GLDN: variants seen among roughly 807,000 people sequenced by gnomAD.
GLDN encodes the protein collomin.
In GLDN, 47 loss-of-function variants were observed where a neutral mutation model predicts 56.5. The observed-to-expected ratio is 0.83, with a 90% CI of 0.66 to 1.06. The LOEUF (loss-of-function observed/expected upper bound fraction) is 1.06. Among genes scored for constraint, GLDN ranks in the 50% least tolerant of loss-of-function variants. GLDN has a pLI of 0.00. For synonymous variants in GLDN, 332 were observed against 278.8 expected, an observed-to-expected ratio of 1.19 and a Z score of -1.90; for missense variants, 782 against 714.3, an observed-to-expected ratio of 1.09 and a Z score of -1.08.
At chr15:51,401,153 C>T (rs2038241235) in intron 8 of GLDN, among the ~76,000 whole-genome samples, 1 of 152,188 alleles carries the variant, frequency 6.6e-6, no homozygotes, top group African/African-American at 2.4e-5. Flanking sequence ...AATAACTGCC[C>T]AGATTACCAG....
chr15:51,390,663 A>G (rs1030360580), intron 4 of GLDN, among the ~76,000 whole-genome samples: 1 of 152,186 alleles, frequency 6.6e-6, no homozygotes, highest in Non-Finnish European at 1.5e-5. Flanking sequence ...GCTGAAAATA[A>G]AACATCCTCC....
At chr15:51,388,427 A>C (rs1049440573) in intron 4 of GLDN, among the ~76,000 whole-genome samples, 2 of 152,024 alleles carry the variant, frequency 1.3e-5, no homozygotes, top group African/African-American at 2.4e-5. Context: ...CTGTTGTGCT[A>C]ATGGTCTGAC....
intron 4 of GLDN, among the ~76,000 whole-genome samples, chr15:51,387,011 G>T (rs1436816058): frequency 2.0e-5 from 3 of 152,152 alleles, no homozygotes; most frequent in Non-Finnish European, 4.4e-5. Flanking sequence ...GAGGCCTGGG[G>T]TGAGATGTAT....
chr15:51,370,308 A>T (rs759471097), intron 1 of GLDN, among the ~76,000 whole-genome samples: 1 of 152,146 alleles, frequency 6.6e-6, no homozygotes, highest in Non-Finnish European at 1.5e-5. Context: ...TCTGAAAATC[A>T]TCTGTCATGT....
At chr15:51,348,163 G>A (rs1485985258) in intron 1 of GLDN, among the ~76,000 whole-genome samples, 2 of 152,096 alleles carry the variant, frequency 1.3e-5, no homozygotes, top group African/African-American at 2.4e-5. Context: ...TCCTAGGCCA[G>A]GGAGCAATAG....
chr15:51,397,456 CT>C lies in GLDN; in HGVS notation c.689-13del. The C allele has an allele frequency of 7.1e-7, 1 of 1,409,126 alleles. No individual in the cohort carries two copies. The highest frequency in any genetic ancestry group is 9.4e-7 in the Non-Finnish European group (1 of 1,066,252). The allele number at this position is 1,409,126 out of a possible 1,614,324, so 87.3% of individuals were successfully genotyped here. A position where few individuals can be genotyped will look rare whatever the true frequency, so the allele number is the denominator to read the frequency against. On this transcript the variant is annotated splice_polypyrimidine_tract_variant and intron_variant, in intron 5 of 9. Transcript: ENST00000335449. ...CTTGCCTCCTTCTCTCCCTTTCTCT[CT>C]CTCTCTCTCCAGGTGCCAAAGGTGA...
At chr15:51,381,799 A>C (rs2037768074) in intron 2 of GLDN, among the ~76,000 whole-genome samples, 1 of 147,990 alleles carries the variant, frequency 6.8e-6, no homozygotes, top group Admixed American at 6.7e-5. Context: ...CCCATCCTCC[A>C]TGTCTCTCTT....
At position 51,401,724 on chromosome 15, in the gene GLDN, G is replaced by A. The variant is rs1221682450; in HGVS notation, c.1159G>A (p.Gly387Ser). 1 of 1,613,996 alleles carries A rather than the reference G, an allele frequency of 6.2e-7. No homozygotes were observed. Among genetic ancestry groups the A allele is most frequent in the East Asian group, 2.2e-5 (1 of 44,880 alleles). ...YNNSLYYHKG[G>S]SNTLVRFEFG... ...CAACTCTCTCTACTACCACAAAGGG[G>A]GTTCTAATACCCTAGTGAGGTAAGT... is the stretch of plus-strand genomic sequence containing the variant. The change falls in exon 9 of 10, where the codon GGT becomes AGT. Residue 387 changes from glycine (G) to serine (S), a missense_variant. Coordinates refer to ENST00000335449, the MANE Select transcript of GLDN (RefSeq NM_181789.4).
intron 5 of GLDN, among the ~76,000 whole-genome samples, chr15:51,396,987 A>G (rs1032442200): frequency 6.6e-6 from 1 of 152,218 alleles, no homozygotes; most frequent in African/African-American, 2.4e-5. Flanking sequence ...CCAGAGTACC[A>G]TGTTCCTCCA....
chr15:51,342,516 T>C (rs1316088484), intron 1 of GLDN, among the ~76,000 whole-genome samples: 1 of 152,168 alleles, frequency 6.6e-6, no homozygotes, highest in Non-Finnish European at 1.5e-5. Flanking sequence ...CAACTAGTGG[T>C]CTGGCTTTTC....
Position 51,383,796 on chromosome 15 carries a change from G to C in GLDN, c.445G>C (p.Ala149Pro). The C allele has an allele frequency of 2.5e-6, 4 of 1,610,216 alleles. No individual in the cohort carries two copies. In the South Asian group the frequency reaches 3.3e-5, roughly 13 times the overall value. The change falls in exon 4 of 10, where the codon GCC (alanine) becomes CCC (proline). Residue 149 changes from alanine (A) to proline (P), a missense_variant. Ala to Pro is a conservative substitution (Grantham distance 27, BLOSUM62 -1). Transcript: ENST00000335449. ...GPSGPPGPPG[A>P]GGLPGHNGLD... Reference sequence around the variant, plus strand: ...GTGTTTTGATGCAGGACCTCCGGGAGCCGGCGGGTTGCCAGGACACAACGG... The same window carrying C: ...GTGTTTTGATGCAGGACCTCCGGGACCCGGCGGGTTGCCAGGACACAACGG...
At chr15:51,347,862 GAATGAGGAAATTCTCTATAT>G (rs1171224188) in intron 1 of GLDN, among the ~76,000 whole-genome samples, 1 of 152,176 alleles carries the variant, frequency 6.6e-6, no homozygotes, top group Non-Finnish European at 1.5e-5. Flanking sequence ...TGTAGAACAA[GAATGAGGAAATTCTCTATAT>G]AATAAGAGTC....
At chr15:51,409,744 A>C (rs2038446052), downstream of GLDN, among the ~76,000 whole-genome samples, 1 of 152,294 alleles carries the variant, frequency 6.6e-6, no homozygotes, top group Middle Eastern at 3.4e-3. Flanking sequence ...ACCAGAGGAG[A>C]TTCATGACTA....
intron 4 of GLDN, among the ~76,000 whole-genome samples, chr15:51,393,488 T>G (rs1284092706): frequency 1.3e-5 from 2 of 152,210 alleles, no homozygotes; most frequent in African/African-American, 4.8e-5. Context: ...AATTTTATAG[T>G]GAACAGTCTG....
At chr15:51,347,284 G>A (rs958229532) in intron 1 of GLDN, among the ~76,000 whole-genome samples, 34 of 152,168 alleles carry the variant, frequency 2.2e-4, no homozygotes, top group Non-Finnish European at 3.8e-4. Flanking sequence ...ATTTAAAAAT[G>A]TAGATTTCAA....
intron 4 of GLDN, among the ~76,000 whole-genome samples, chr15:51,387,628 G>A (rs919169031): frequency 4.6e-5 from 7 of 152,156 alleles, no homozygotes; most frequent in Non-Finnish European, 1.5e-5. Flanking sequence ...AGAGAAGGAA[G>A]GGCTGTCATT....
chr15:51,387,072 C>T (rs921239786), intron 4 of GLDN, among the ~76,000 whole-genome samples: 14 of 151,960 alleles, frequency 9.2e-5, no homozygotes, highest in African/African-American at 3.4e-4. Context: ...GGTGAAGTCA[C>T]TTAGGGAGAG....
chr15:51,377,059 G>A (rs2141087807), intron 1 of GLDN, among the ~76,000 whole-genome samples: 1 of 152,284 alleles, frequency 6.6e-6, no homozygotes, highest in Non-Finnish European at 1.5e-5. Context: ...CATAGTAAAT[G>A]CACAAAGCAG....
At chr15:51,356,402 G>T (rs1009275500) in intron 1 of GLDN, among the ~76,000 whole-genome samples, 6 of 152,082 alleles carry the variant, frequency 3.9e-5, no homozygotes, top group African/African-American at 1.2e-4. Context: ...ATGGAAGCGG[G>T]CTACTTTAGA....
Sources: gnomAD v4.1 joint callset for allele counts (sites outside exome capture counted in the v4.1 genomes callset) on GRCh38, gnomAD v4.1.1 for gene constraint, MANE v1.5 for transcripts, NCBI Gene and HGNC (gene_info 2026-07-23, HGNC 2026-07-21) for gene names.